ADNP2: variants seen among roughly 807,000 people sequenced by gnomAD.
ADNP2 encodes activity-dependent neuroprotector homeobox protein 2.
Under a neutral mutation model 16.4 loss-of-function variants are expected in ADNP2, and 8 were observed. The ratio of observed to expected loss-of-function variants is 0.49; its 90% CI spans 0.29 to 0.88. ADNP2 has a LOEUF of 0.88. Ranked by LOEUF, ADNP2 falls within the 40% of genes least tolerant of loss-of-function variation. The pLI is 0.09. For missense variants in ADNP2, 1,397 were observed against 1,395.1 expected, an observed-to-expected ratio of 1.00 and a Z score of -0.02; for synonymous variants, 637 against 545.8, an observed-to-expected ratio of 1.17 and a Z score of -2.33.
In ADNP2 at chr18:80,136,679, C is replaced by G. The variant is rs1233351504; in HGVS notation, c.1266C>G (p.Ser422Arg). Residue 422 changes from serine to arginine, a missense_variant, in exon 4 of 4, where the codon AGC (serine) becomes AGG (arginine). Coordinates refer to ENST00000262198, the MANE Select transcript of ADNP2 (RefSeq NM_014913.4). ...RPVGPGVLPV[S>R]PSVTPGVLQA... is the part of the protein sequence containing the mutation. ...TTGGGCCTGGTGTTCTTCCTGTGAG[C>G]CCCTCTGTCACCCCTGGGGTCCTGC... 6.2e-7 allele frequency: 1 copy of G among 1,613,078 alleles called. No individual in the cohort carries two copies. Among genetic ancestry groups the G allele is most frequent in the Non-Finnish European group, 8.5e-7 (1 of 1,179,478 alleles).
At chr18:80,126,608 A>G (rs1425876276) in intron 2 of ADNP2, among the ~76,000 whole-genome samples, 2 of 152,038 alleles carry the variant, frequency 1.3e-5, no homozygotes, top group Admixed American at 6.5e-5. Flanking sequence ...TTTTCCAACA[A>G]TATGTTTTCT....
In ADNP2 at chr18:80,136,206, C is replaced by T; in HGVS notation, c.793C>T (p.His265Tyr). The change falls in exon 4 of 4, where the codon CAC (histidine) becomes TAC (tyrosine). Residue 265 changes from histidine to tyrosine, a missense_variant. By Grantham distance (83) the His-to-Tyr change is moderately conservative. Transcript: ENST00000262198. ...IKRTGLLKQT[H>Y]IAPKPAAHLA... ...GAGGACTGGACTCTTGAAGCAAACGCACATTGCTCCAAAACCAGCAGCACA... is the reference window on the plus strand; with the variant it reads ...GAGGACTGGACTCTTGAAGCAAACGTACATTGCTCCAAAACCAGCAGCACA... The T allele has an allele frequency of 1.2e-6, 2 of 1,614,268 alleles. No individual in the cohort carries two copies. The highest frequency in any genetic ancestry group is 1.3e-5 in the African/African-American group (1 of 75,080).
At chr18:80,129,779 C>T (rs2052484387) in intron 2 of ADNP2, among the ~76,000 whole-genome samples, 1 of 152,190 alleles carries the variant, frequency 6.6e-6, no homozygotes. Context: ...TTTCTGTGGA[C>T]TGGAATGCAA....
At chr18:80,124,185 C>T (rs1250601785) in intron 2 of ADNP2, among the ~76,000 whole-genome samples, 1 of 152,142 alleles carries the variant, frequency 6.6e-6, no homozygotes, top group Non-Finnish European at 1.5e-5. Flanking sequence ...TAGTGTCTTT[C>T]TAGGAATTTG....
intron 1 of ADNP2, among the ~76,000 whole-genome samples, chr18:80,114,990 T>C (rs189081471): frequency 6.6e-6 from 1 of 152,296 alleles, no homozygotes; most frequent in East Asian, 1.9e-4. Flanking sequence ...TGATCTAGTC[T>C]TGGAATTCTC....
Position 80,136,374 on chromosome 18 carries a change from C to G in ADNP2, c.961C>G (p.His321Asp), listed in dbSNP as rs2052534331. The change falls in exon 4 of 4, where the codon CAT (histidine) becomes GAT (aspartate). Residue 321 changes from histidine (H) to aspartate (D), a missense_variant. Physicochemically the swap from His to Asp is moderately conservative, Grantham distance 81. Coordinates refer to ENST00000262198, the MANE Select transcript of ADNP2 (RefSeq NM_014913.4). ...VAQGAPGSLT[H>D]SPPAAGQSHM... is the part of the protein sequence containing the mutation. ...CCAGGGTGCCCCTGGAAGCCTCACT[C>G]ATTCCCCCCCTGCTGCTGGCCAATC... The G allele has an allele frequency of 6.2e-7, 1 of 1,614,106 alleles. No homozygotes were observed. The highest frequency in any genetic ancestry group is 1.3e-5 in the African/African-American group (1 of 74,936).
chr18:80,123,051 T>C (rs978731639), intron 2 of ADNP2, among the ~76,000 whole-genome samples: 2 of 152,184 alleles, frequency 1.3e-5, no homozygotes, highest in African/African-American at 4.8e-5. Flanking sequence ...GATCCCTTCT[T>C]TGTGCCAATT....
Position 80,133,183 on chromosome 18 carries a change from A to G in ADNP2, c.189A>G (p.Gly63=). 8.7e-6 allele frequency: 14 copies of G among 1,612,224 alleles called. No homozygotes were observed. Among genetic ancestry groups the G allele is most frequent in the Non-Finnish European group, 1.2e-5 (14 of 1,178,336 alleles). Residue 63 remains glycine (G), a synonymous_variant, in exon 3 of 4, where the codon GGA becomes GGG. Coordinates refer to ENST00000262198, the MANE Select transcript of ADNP2 (RefSeq NM_014913.4). ...ATGTTTCTCTCTGGGAACCTTCTGG[A>G]AAGAAAGTGGTATGTATTTTTTGCA... The part of the protein sequence containing the change: ...WGDVSLWEPS[G]KKVRYRTKPY...
rs1186302797 is a variant in ADNP2 at position 80,135,854 on chromosome 18, A to G, written c.441A>G (p.Ser147=). 1 of 1,614,224 alleles carries G rather than the reference A, an allele frequency of 6.2e-7. No individual in the cohort carries two copies. The highest frequency in any genetic ancestry group is 2.2e-5 in the East Asian group (1 of 44,882). Reference sequence around the variant, plus strand: ...TGAATATTTTAGGTGAAACTAAATCATCTAGGAGCGATGTGATAAGTTTCA... The same window carrying G: ...TGAATATTTTAGGTGAAACTAAATCGTCTAGGAGCGATGTGATAAGTTTCA... ...YTVNILGETK[S]SRSDVISFTC... Residue 147 remains serine (S), a synonymous_variant, in exon 4 of 4, where the codon TCA becomes TCG. Coordinates refer to ENST00000262198, the MANE Select transcript of ADNP2 (RefSeq NM_014913.4).
At position 80,139,641 on chromosome 18, in the gene ADNP2, A is replaced by G. The variant is rs2052568104; in HGVS notation, c.*832A>G. ...TTAGTGCCTTTAGAATAAACATTGAAAGAATACACCCCAAAACTCTTCTCC... is the reference window on the plus strand; with the variant it reads ...TTAGTGCCTTTAGAATAAACATTGAGAGAATACACCCCAAAACTCTTCTCC... On this transcript the variant is annotated 3_prime_UTR_variant, in exon 4 of 4. Transcript: ENST00000262198. 1 of 152,636 alleles carries G rather than the reference A, an allele frequency of 6.6e-6. No homozygotes were observed. The highest frequency in any genetic ancestry group is 2.4e-5 in the African/African-American group (1 of 41,442). 9.5% of individuals were successfully genotyped at this position (152,636 alleles called of 1,614,324 possible). A position where few individuals can be genotyped will look rare whatever the true frequency, so the allele number is the denominator to read the frequency against.
chr18:80,115,006 A>T (rs549907981), intron 1 of ADNP2, among the ~76,000 whole-genome samples: 4 of 152,080 alleles, frequency 2.6e-5, no homozygotes, highest in Non-Finnish European at 5.9e-5. Context: ...TTCTCATGGC[A>T]TTATTTCCTC....
chr18:80,134,470 C>G (rs958495652), intron 3 of ADNP2, among the ~76,000 whole-genome samples: 1 of 151,656 alleles, frequency 6.6e-6, no homozygotes, highest in African/African-American at 2.4e-5. Flanking sequence ...AGAATTAACC[C>G]TTGATCACTG....
intron 1 of ADNP2, among the ~76,000 whole-genome samples, chr18:80,110,481 C>T (rs1326208387): frequency 6.6e-6 from 1 of 151,834 alleles, no homozygotes; most frequent in Non-Finnish European, 1.5e-5. Flanking sequence ...GCAAGTGGGG[C>T]AGCAGTTTGT....
At position 80,138,863 on chromosome 18, in the gene ADNP2, G is replaced by C. The variant is rs988844648; in HGVS notation, c.*54G>C. ...TAAAGTAGTAGGTAGATTTTTTTCA[G>C]TTGAAATTTCACAGTGTTGTCCTCA... On this transcript the variant is annotated 3_prime_UTR_variant, in exon 4 of 4. Coordinates refer to ENST00000262198, the MANE Select transcript of ADNP2 (RefSeq NM_014913.4). The C allele has an allele frequency of 8.5e-5, 119 of 1,401,314 alleles. No individual in the cohort carries two copies. Among genetic ancestry groups the C allele is most frequent in the Non-Finnish European group, 1.1e-4 (117 of 1,066,616 alleles). 86.8% of individuals were successfully genotyped at this position (1,401,314 alleles called of 1,614,324 possible).
intron 2 of ADNP2, among the ~76,000 whole-genome samples, chr18:80,128,078 G>A (rs960978216): frequency 6.6e-6 from 1 of 152,192 alleles, no homozygotes; most frequent in African/African-American, 2.4e-5. Context: ...TTTCTATCAG[G>A]TGATAATGAC....
chr18:80,113,275 C>T (rs1439992958), intron 1 of ADNP2, among the ~76,000 whole-genome samples: 1 of 152,180 alleles, frequency 6.6e-6, no homozygotes, highest in East Asian at 1.9e-4. Flanking sequence ...TCTCCTTTTG[C>T]TGAGACCAGG....
intron 1 of ADNP2, among the ~76,000 whole-genome samples, chr18:80,110,989 T>G (rs1464925279): frequency 6.6e-6 from 1 of 152,192 alleles, no homozygotes; most frequent in Middle Eastern, 3.2e-3. Flanking sequence ...CGTTTTTAAT[T>G]TGAACCCAAG....
intron 2 of ADNP2, among the ~76,000 whole-genome samples, chr18:80,129,029 A>G (rs544301180): frequency 6.0e-5 from 9 of 150,256 alleles, no homozygotes; most frequent in South Asian, 2.1e-4. Flanking sequence ...CTGTCTTGTC[A>G]TGTATTACAT....
At position 80,139,595 on chromosome 18, in the gene ADNP2, C is replaced by T. The variant is rs3809927; in HGVS notation, c.*786C>T. The T allele has an allele frequency of 6.6e-6, 1 of 152,338 alleles. No homozygotes were observed. Among genetic ancestry groups the T allele is most frequent in the South Asian group, 2.1e-4 (1 of 4,824 alleles). 9.4% of individuals were successfully genotyped at this position (152,338 alleles called of 1,614,324 possible). A position where few individuals can be genotyped will look rare whatever the true frequency, so the allele number is the denominator to read the frequency against. Reference sequence around the variant, plus strand: ...TGATATGCTAAGTCATTTCTCCGTTCAGAGGTAAAACAATAAATTTTTAGT... The same window carrying T: ...TGATATGCTAAGTCATTTCTCCGTTTAGAGGTAAAACAATAAATTTTTAGT... On this transcript the variant is annotated 3_prime_UTR_variant, in exon 4 of 4. Transcript: ENST00000262198.
Sources: allele counts gnomAD v4.1 joint callset (sites outside exome capture counted in the v4.1 genomes callset), GRCh38; gene constraint gnomAD v4.1.1; transcripts MANE v1.5; gene names NCBI Gene and HGNC (gene_info 2026-07-23, HGNC 2026-07-21).